Variants in PTPRZ1 observed in about 807,000 individuals in gnomAD.
PTPRZ1 encodes the protein protein tyrosine phosphatase receptor type Z1.
A neutral mutation model predicts 214.1 loss-of-function variants in PTPRZ1; 82 were observed. That is an observed-to-expected ratio of 0.38 (90% confidence interval 0.32 to 0.46). The LOEUF (loss-of-function observed/expected upper bound fraction) is 0.46, where lower values mean the gene tolerates loss of function less well. Among genes scored for constraint, PTPRZ1 ranks in the 20% least tolerant of loss-of-function variants. The pLI is 1.00. For missense variants in PTPRZ1, 2,603 were observed against 2,748.7 expected, an observed-to-expected ratio of 0.95 and a Z score of 1.19; for synonymous variants, 945 against 987.9, an observed-to-expected ratio of 0.96 and a Z score of 0.81.
chr7:121,879,667 C>T (rs12706382), intron 1 of PTPRZ1, among the ~76,000 whole-genome samples: 20,467 of 152,076 alleles, frequency 0.13, 1,516 homozygotes, highest in South Asian at 0.3. Flanking sequence ...TGGAATGGGA[C>T]ATGGGATCAG....
chr7:121,894,201 G>C (rs58207780), intron 1 of PTPRZ1, among the ~76,000 whole-genome samples: 4,883 of 152,166 alleles, frequency 0.032, 257 homozygotes, highest in African/African-American at 0.11. Context: ...AGCAGTATAC[G>C]GAAGGACCCC....
Position 122,044,505 on chromosome 7 carries a change from C to T in PTPRZ1, c.6021C>T (p.Ala2007=), listed in dbSNP as rs1222593566. The part of the protein sequence containing the change: ...ETEVLDSHIH[A]YVNALLIPGP... The stretch of plus-strand genomic sequence containing the variant: ...AGGTGCTGGACAGTCATATTCATGC[C>T]TATGTTAATGCACTCCTCATTCCTG... The change falls in exon 23 of 30, where the codon GCC becomes GCT. Residue 2007 remains alanine, a synonymous_variant. Transcript: ENST00000393386. 6.2e-7 allele frequency: 1 copy of T among 1,613,858 alleles called. No individual in the cohort carries two copies. The highest frequency in any genetic ancestry group is 8.5e-7 in the Non-Finnish European group (1 of 1,179,806).
At position 122,011,499 on chromosome 7, in the gene PTPRZ1, C is replaced by T; in HGVS notation, c.2453C>T (p.Pro818Leu). 3.7e-6 allele frequency: 6 copies of T among 1,613,908 alleles called. No individual in the cohort carries two copies. The highest frequency in any genetic ancestry group is 1.7e-6 in the Non-Finnish European group (2 of 1,179,876). ...ESILSSYDGA[P>L]LLPFSSASFS... ...ATCCTGTCTTCCTATGATGGTGCAC[C>T]TTTGCTTCCATTTTCCTCTGCTTCC... Residue 818 changes from proline (P) to leucine (L), a missense_variant, in exon 12 of 30, where the codon CCT becomes CTT. By Grantham distance (98) the Pro-to-Leu change is moderately conservative. Around this residue, in one of 6 missense-constraint regions of PTPRZ1, gnomAD observed 1,913 missense variants for 1,914.3 expected, o/e 1.00. Coordinates refer to ENST00000393386, the MANE Select transcript of PTPRZ1 (RefSeq NM_002851.3).
intron 1 of PTPRZ1, among the ~76,000 whole-genome samples, chr7:121,881,035 A>G (rs1158480366): frequency 6.6e-6 from 1 of 152,156 alleles, no homozygotes; most frequent in East Asian, 1.9e-4. Flanking sequence ...GTCCTCTCCA[A>G]AATTCATGTT....
At chr7:121,982,244 G>C (rs866750353) in intron 6 of PTPRZ1, among the ~76,000 whole-genome samples, 2 of 151,686 alleles carry the variant, frequency 1.3e-5, no homozygotes, top group Non-Finnish European at 2.9e-5. Flanking sequence ...TCTCTTCATC[G>C]ATCTTTGCAC....
At chr7:122,006,740 G>T (rs1261797040) in intron 11 of PTPRZ1, among the ~76,000 whole-genome samples, 3 of 152,034 alleles carry the variant, frequency 2.0e-5, no homozygotes, top group Non-Finnish European at 4.4e-5. Context: ...AAGCCTCAGT[G>T]CATCAGCCCA....
At chr7:121,904,000 A>ACACACAC (rs1554427275) in intron 1 of PTPRZ1, among the ~76,000 whole-genome samples, 3 of 151,376 alleles carry the variant, frequency 2.0e-5, no homozygotes, top group South Asian at 2.1e-4. Flanking sequence ...ACACACACAC[A>ACACACAC]ATAGTAGGTG....
rs768308491 is a variant in PTPRZ1 at position 121,976,145 on chromosome 7, CAT to C, written c.457-26_457-25del. 5 of 1,469,608 alleles carry C rather than the reference CAT, an allele frequency of 3.4e-6. No homozygotes were observed. In the South Asian group the frequency reaches 4.7e-5, roughly 14 times the overall value. 91.0% of individuals were successfully genotyped at this position (1,469,608 alleles called of 1,614,324 possible). A position where few individuals can be genotyped will look rare whatever the true frequency, so the allele number is the denominator to read the frequency against. ...TGATTTTTATGAAGTCTTTGTGTAT[CAT>C]AAAACTATCATTGTTACTTTTATAG... On this transcript the variant is annotated intron_variant, in intron 4 of 29. Transcript: ENST00000393386.
chr7:121,927,943 T>C (rs1795812770), intron 1 of PTPRZ1, among the ~76,000 whole-genome samples: 1 of 152,196 alleles, frequency 6.6e-6, no homozygotes, highest in African/African-American at 2.4e-5. Context: ...CAGCATCCTT[T>C]AAACACACCC....
At chr7:122,024,260 C>G (rs777408779) in intron 13 of PTPRZ1, among the ~76,000 whole-genome samples, 1 of 150,364 alleles carries the variant, frequency 6.7e-6, no homozygotes, top group Non-Finnish European at 1.5e-5. Context: ...TTTTTTAAGG[C>G]AAATTTTTGA....
intron 1 of PTPRZ1, among the ~76,000 whole-genome samples, chr7:121,893,756 G>A (rs993405841): frequency 6.6e-5 from 10 of 152,096 alleles, no homozygotes; most frequent in African/African-American, 2.4e-4. Flanking sequence ...ATGCATTCAT[G>A]AATATTCTTA....
chr7:122,054,054 C>A lies in PTPRZ1; in HGVS notation c.6381+16C>A. 1 of 1,611,516 alleles carries A rather than the reference C, an allele frequency of 6.2e-7. No homozygotes were observed. Among genetic ancestry groups the A allele is most frequent in the Non-Finnish European group, 8.5e-7 (1 of 1,178,366 alleles). On this transcript the variant is annotated intron_variant, in intron 26 of 29. Coordinates refer to ENST00000393386, the MANE Select transcript of PTPRZ1 (RefSeq NM_002851.3). ...CCAAAACATGGTAAGTCCCTTAGAC[C>A]ACTTTTGGGACTTCCTTTACAGAGG...
At chr7:121,892,589 A>C (rs1794666858) in intron 1 of PTPRZ1, among the ~76,000 whole-genome samples, 1 of 150,016 alleles carries the variant, frequency 6.7e-6, no homozygotes, top group Admixed American at 6.7e-5. Context: ...TAACAAGATT[A>C]TTCACAAGTA....
At chr7:121,905,472 A>T (rs983486246) in intron 1 of PTPRZ1, among the ~76,000 whole-genome samples, 1 of 152,194 alleles carries the variant, frequency 6.6e-6, no homozygotes, top group Non-Finnish European at 1.5e-5. Flanking sequence ...GGCCATGCAG[A>T]TATGAAATTG....
chr7:121,980,891 C>T (rs1207813366), intron 6 of PTPRZ1, among the ~76,000 whole-genome samples: 1 of 152,150 alleles, frequency 6.6e-6, no homozygotes, highest in Non-Finnish European at 1.5e-5. Context: ...GCCTGTGATC[C>T]CAGCACTTTG....
chr7:121,905,543 C>T (rs929898501), intron 1 of PTPRZ1, among the ~76,000 whole-genome samples: 7 of 152,082 alleles, frequency 4.6e-5, no homozygotes, highest in African/African-American at 1.4e-4. Flanking sequence ...TGGAAATTGA[C>T]ATCTATAGGG....
At chr7:121,890,894 T>C (rs928485261) in intron 1 of PTPRZ1, among the ~76,000 whole-genome samples, 3 of 151,886 alleles carry the variant, frequency 2.0e-5, no homozygotes, top group African/African-American at 4.8e-5. Context: ...TCTGGGCTAG[T>C]CTTGACTTCC....
intron 2 of PTPRZ1, among the ~76,000 whole-genome samples, chr7:121,941,332 T>C (rs560513028): frequency 2.0e-5 from 3 of 152,300 alleles, no homozygotes; most frequent in African/African-American, 7.2e-5. Context: ...CCACATCTGA[T>C]TTTTTGTTTG....
chr7:122,018,368 A>G lies in PTPRZ1; in HGVS notation c.4844-756A>G, dbSNP rs1282267905. On this transcript the variant is annotated intron_variant, in intron 12 of 29. Transcript: ENST00000393386. ...TGATTTTCAAAGTGCTAGTACAGTA[A>G]TGTACCTGACTGGCCCCCAAAATAA... Among the ~76,000 whole-genome samples, 4 of 152,204 alleles carry G rather than the reference A, an allele frequency of 2.6e-5. No homozygotes were observed. In the East Asian group the frequency reaches 7.7e-4, roughly 29 times the overall value.
Sources: gnomAD v4.1 joint callset for allele counts (sites outside exome capture counted in the v4.1 genomes callset) on GRCh38, gnomAD v4.1.1 for gene constraint, gnomAD v4.1.1 regional missense constraint, MANE v1.5 for transcripts, NCBI Gene and HGNC (gene_info 2026-07-23, HGNC 2026-07-21) for gene names.